Variants in GTF2IRD2B observed in about 807,000 individuals in gnomAD.
The protein encoded by GTF2IRD2B is GTF2I repeat domain containing 2B.
In GTF2IRD2B, 10 loss-of-function variants were observed where a neutral mutation model predicts 55.6. The ratio of observed to expected loss-of-function variants is 0.18; its 90% confidence interval spans 0.11 to 0.31. The LOEUF is 0.31. GTF2IRD2B is among the 10% of genes least tolerant of loss of function. The pLI is 1.00. For missense variants in GTF2IRD2B, 206 were observed against 802.7 expected (o/e 0.26, Z 8.98); for synonymous variants, 107 against 320.5 (o/e 0.33, Z 7.12).
rs200522526 is a variant in GTF2IRD2B at position 75,148,240 on chromosome 7, G to C, written c.1793G>C (p.Arg598Pro). The part of the protein sequence containing the change: ...GTKSGNEIFL[R>P]VEKSLKKFCI... ...AAATCTGGCAACGAGATCTTTTTGC[G>C]TGTTGAGAAGAGCCTGAAAAAGTTC... Residue 598 changes from arginine (R) to proline (P), a missense_variant, in exon 16 of 16, where the codon CGT becomes CCT. Transcript: ENST00000472837. 2 of 1,613,856 alleles carry C rather than the reference G, an allele frequency of 1.2e-6. No individual in the cohort carries two copies. The highest frequency in any genetic ancestry group is 8.5e-7 in the Non-Finnish European group (1 of 1,179,862).
chr7:75,149,508 G>A lies in GTF2IRD2B; in HGVS notation c.*211G>A, dbSNP rs1809265454. 1 of 560,216 alleles carries A rather than the reference G, an allele frequency of 1.8e-6. No individual in the cohort carries two copies. Among genetic ancestry groups the A allele is most frequent in the Non-Finnish European group, 3.2e-6 (1 of 313,024 alleles). The allele number at this position is 560,216 out of a possible 1,614,324, so 34.7% of individuals were successfully genotyped here. A position where few individuals can be genotyped will look rare whatever the true frequency, so the allele number is the denominator to read the frequency against. ...CGATTCTCCTGCCTCAGCCTCCCGA[G>A]CAGCTGGGACTACAGGCATGCGCCA... On this transcript the variant is annotated 3_prime_UTR_variant, in exon 16 of 16. Coordinates refer to ENST00000472837, the MANE Select transcript of GTF2IRD2B (RefSeq NM_001003795.3).
At chr7:75,093,675 G>T (rs1390462484) in intron 1 of GTF2IRD2B, among the ~76,000 whole-genome samples, 3 of 152,294 alleles carry the variant, frequency 2.0e-5, no homozygotes, top group Admixed American at 2.0e-4. Context: ...TGTGTGTCTG[G>T]CTTCTTTCCT....
At chr7:75,121,768 T>TAA (rs1808378709) in intron 4 of GTF2IRD2B, among the ~76,000 whole-genome samples, 1 of 139,380 alleles carries the variant, frequency 7.2e-6, no homozygotes. Context: ...CACCAGTTCT[T>TAA]TTTTTTTTTT....
chr7:75,148,296 G>C lies in GTF2IRD2B; in HGVS notation c.1849G>C (p.Ala617Pro), dbSNP rs1554454563. The change falls in exon 16 of 16, where the codon GCC becomes CCC. Residue 617 changes from alanine to proline, a missense_variant. Physicochemically the swap from Ala to Pro is conservative, Grantham distance 27. Transcript: ENST00000472837. ...CINWSRLVSV[A>P]STGTPAMVDA... The stretch of plus-strand genomic sequence containing the variant: ...CAACTGGTCGAGATTAGTAAGCGTG[G>C]CCTCCACTGGCACCCCAGCGATGGT... 1.2e-6 allele frequency: 2 copies of C among 1,613,676 alleles called. No individual in the cohort carries two copies. Among genetic ancestry groups the C allele is most frequent in the Non-Finnish European group, 1.7e-6 (2 of 1,179,828 alleles).
intron 8 of GTF2IRD2B, among the ~76,000 whole-genome samples, 198 bp from the exon 9 acceptor site, chr7:75,132,937 T>A (rs1433137136): frequency 8.6e-5 from 12 of 139,174 alleles, no homozygotes; most frequent in African/African-American, 3.7e-4. Context: ...AATGTATGTT[T>A]TCTATATGTA....
intron 1 of GTF2IRD2B, among the ~76,000 whole-genome samples, chr7:75,107,263 G>C (rs1418656874): frequency 1.3e-5 from 2 of 152,078 alleles, no homozygotes; most frequent in Non-Finnish European, 2.9e-5. Context: ...TATAAAGTTA[G>C]CATAAAAATA....
intron 1 of GTF2IRD2B, among the ~76,000 whole-genome samples, chr7:75,103,002 G>A (rs1554449687): frequency 1.3e-5 from 2 of 150,520 alleles, no homozygotes; most frequent in African/African-American, 4.9e-5. Flanking sequence ...ATAAGGCTGG[G>A]CATGGTGGCT....
At chr7:75,124,298 G>A (rs1808483667) in intron 6 of GTF2IRD2B, among the ~76,000 whole-genome samples, 2 of 152,306 alleles carry the variant, frequency 1.3e-5, no homozygotes, top group South Asian at 4.1e-4. Flanking sequence ...AACCCGAGAT[G>A]TAGAGTTTGC....
intron 1 of GTF2IRD2B, among the ~76,000 whole-genome samples, chr7:75,105,555 T>A (rs1450800696): frequency 1.3e-5 from 2 of 152,310 alleles, no homozygotes; most frequent in Non-Finnish European, 1.5e-5. Flanking sequence ...CCCTTCCCCC[T>A]ACCATTCTGT....
At chr7:75,126,724 C>T (rs1458000000) in intron 8 of GTF2IRD2B, among the ~76,000 whole-genome samples, 1 of 139,994 alleles carries the variant, frequency 7.1e-6, no homozygotes, top group Non-Finnish European at 1.6e-5. Flanking sequence ...AGGCTGCGCA[C>T]GGTGGATCAC....
intron 1 of GTF2IRD2B, among the ~76,000 whole-genome samples, chr7:75,102,148 G>T (rs587606594): frequency 6.6e-6 from 1 of 150,678 alleles, no homozygotes; most frequent in Non-Finnish European, 1.5e-5. Flanking sequence ...GACTACAGGC[G>T]TGCGCCACCA....
intron 1 of GTF2IRD2B, among the ~76,000 whole-genome samples, chr7:75,107,371 C>T (rs1318977888): frequency 3.3e-5 from 5 of 151,294 alleles, no homozygotes; most frequent in East Asian, 2.0e-4. Flanking sequence ...GTCAGGAGAT[C>T]GAGACCATCC....
intron 1 of GTF2IRD2B, among the ~76,000 whole-genome samples, chr7:75,101,256 A>G (rs1554449499): frequency 2.7e-5 from 4 of 148,868 alleles, no homozygotes. Context: ...TCATATACTT[A>G]TACAGTTCAC....
At chr7:75,104,905 A>G (rs1807725451) in intron 1 of GTF2IRD2B, among the ~76,000 whole-genome samples, 3 of 152,306 alleles carry the variant, frequency 2.0e-5, no homozygotes, top group African/African-American at 7.2e-5. Flanking sequence ...GCTATGAAAA[A>G]CAATACCGGC....
At chr7:75,105,644 A>G (rs1196425096) in intron 1 of GTF2IRD2B, among the ~76,000 whole-genome samples, 1 of 152,428 alleles carries the variant, frequency 6.6e-6, no homozygotes, top group East Asian at 1.9e-4. Flanking sequence ...AGCATAGCTA[A>G]TGTTCTCAGA....
chr7:75,106,021 G>A (rs1286587531), intron 1 of GTF2IRD2B, among the ~76,000 whole-genome samples: 3 of 152,308 alleles, frequency 2.0e-5, no homozygotes, highest in Non-Finnish European at 2.9e-5. Context: ...CATTCAAGTG[G>A]GCAAGAAATC....
chr7:75,141,700 C>CA (rs1182120810), intron 13 of GTF2IRD2B, among the ~76,000 whole-genome samples: 11 of 9,250 alleles, frequency 1.2e-3, no homozygotes, highest in African/African-American at 2.5e-3. Flanking sequence ...GACCCTGTCT[C>CA]AAAAAAAAAA....
chr7:75,133,559 T>TG lies in GTF2IRD2B; in HGVS notation c.748+347_748+348insG, dbSNP rs1448990885. ...AAATCCACATACTCTTTTTTTTTTT[T>TG]TGAGACAGAATCTCACTCTGTTGCC... is the stretch of plus-strand genomic sequence containing the variant. On this transcript the variant is annotated intron_variant, in intron 9 of 15. Transcript: ENST00000472837. 5.6e-3 allele frequency among the ~76,000 whole-genome samples: 826 copies of TG among 146,338 alleles called. 1 individual carries two copies. Among genetic ancestry groups the TG allele is most frequent in the Non-Finnish European group, 8.2e-3 (545 of 66,730 alleles).
In GTF2IRD2B at chr7:75,118,327, G is replaced by C. The variant is rs1430918852; in HGVS notation, c.239-2564G>C. 1.3e-3 allele frequency among the ~76,000 whole-genome samples: 190 copies of C among 150,906 alleles called. 1 individual carries two copies. Among genetic ancestry groups the C allele is most frequent in the African/African-American group, 4.5e-3 (184 of 40,916 alleles). On this transcript the variant is annotated intron_variant, in intron 3 of 15. Coordinates refer to ENST00000472837, the MANE Select transcript of GTF2IRD2B (RefSeq NM_001003795.3). ...TGTTGCAGGCACCCACAGGGTAACT[G>C]TCTAGTGATTTCCACCAGCACCCCC...
Sources: allele counts gnomAD v4.1 joint callset (sites outside exome capture counted in the v4.1 genomes callset), GRCh38; gene constraint gnomAD v4.1.1; transcripts MANE v1.5; gene names NCBI Gene and HGNC (gene_info 2026-07-23, HGNC 2026-07-21).